NAPEPLD: variants seen among roughly 807,000 people sequenced by gnomAD.
The protein encoded by NAPEPLD is N-acyl phosphatidylethanolamine phospholipase D.
A neutral mutation model predicts 38.1 loss-of-function variants in NAPEPLD; 23 were observed. That is an observed-to-expected ratio of 0.60 (90% CI 0.43 to 0.86). The LOEUF is 0.86. Among genes scored for constraint, NAPEPLD ranks in the 40% least tolerant of loss-of-function variants. The pLI is 0.00. For missense variants in NAPEPLD, 411 were observed against 476.8 expected, an observed-to-expected ratio of 0.86 and a Z score of 1.28; for synonymous variants, 147 against 162.0, an observed-to-expected ratio of 0.91 and a Z score of 0.71.
rs1336563973 is a variant in NAPEPLD, at chr7:103,102,349, CTTTT to C, written c.*1076_*1079del. 6.6e-6 allele frequency: 1 copy of C among 152,090 alleles called. No individual in the cohort carries two copies. The highest frequency in any genetic ancestry group is 1.5e-5 in the Non-Finnish European group (1 of 68,042). 9.4% of individuals were successfully genotyped at this position (152,090 alleles called of 1,614,324 possible). On this transcript the variant is annotated 3_prime_UTR_variant, in exon 5 of 5. Transcript: ENST00000465647. ...TCTGCTCAGCTAAGGAGAGGGCTTT[CTTTT>C]GAGACAGGGTCTCATTTTGTCGCCC...
chr7:103,112,341 T>A (rs113076460), intron 4 of NAPEPLD, among the ~76,000 whole-genome samples: 17 of 152,126 alleles, frequency 1.1e-4, no homozygotes, highest in African/African-American at 4.1e-4. Flanking sequence ...TAGCTAAGAC[T>A]TGGAACCAAC....
At chr7:103,120,269 AG>A (rs762129229) in intron 2 of NAPEPLD, 46 bp from the exon 3 acceptor site, 54 of 1,560,616 alleles carry the variant, frequency 3.5e-5, no homozygotes, top group Middle Eastern at 4.3e-4. Context: ...TAGAAAAAAA[AG>A]TATTATATCA....
At chr7:103,132,865 A>G (rs1585880387) in intron 1 of NAPEPLD, among the ~76,000 whole-genome samples, 1 of 152,052 alleles carries the variant, frequency 6.6e-6, no homozygotes, top group East Asian at 1.9e-4. Flanking sequence ...TCTAAATAAT[A>G]AGCTTTTTCA....
At chr7:103,141,897 G>T in intron 1 of NAPEPLD, 1 of 1,023,148 alleles carries the variant, frequency 9.8e-7, no homozygotes, top group Non-Finnish European at 1.6e-6. Context: ...CCACAGCAGA[G>T]GACACTAGAG....
chr7:103,142,465 G>T (rs1811619420), intron 1 of NAPEPLD, among the ~76,000 whole-genome samples: 1 of 152,160 alleles, frequency 6.6e-6, no homozygotes, highest in Non-Finnish European at 1.5e-5. Context: ...AAATAGCCAG[G>T]CATGGTGGCA....
rs998779283 is a variant in NAPEPLD at position 103,102,014 on chromosome 7, C to T, written c.*1415G>A. 10 of 146,482 alleles carry T rather than the reference C, an allele frequency of 6.8e-5. No homozygotes were observed. Among genetic ancestry groups the T allele is most frequent in the African/African-American group, 2.5e-4 (10 of 39,594 alleles). The allele number at this position is 146,482 out of a possible 1,614,324, so 9.1% of individuals were successfully genotyped here. A position where few individuals can be genotyped will look rare whatever the true frequency, so the allele number is the denominator to read the frequency against. On this transcript the variant is annotated 3_prime_UTR_variant, in exon 5 of 5. Coordinates refer to ENST00000465647, the MANE Select transcript of NAPEPLD (RefSeq NM_001122838.3). ...GTCAACTGACTCCCCCCCCGCCCCCCAACCACTGGCATTCATACTGGCTTA... is the reference window on the plus strand; with the variant it reads ...GTCAACTGACTCCCCCCCCGCCCCCTAACCACTGGCATTCATACTGGCTTA...
At chr7:103,128,915 G>T in intron 1 of NAPEPLD, 123 bp from the exon 2 acceptor site, 1 of 1,045,890 alleles carries the variant, frequency 9.6e-7, no homozygotes, top group South Asian at 1.7e-5. Flanking sequence ...GTCTGTATTA[G>T]CTGAAACTTT....
chr7:103,115,605 C>A (rs117411908), intron 3 of NAPEPLD, among the ~76,000 whole-genome samples: 2 of 152,140 alleles, frequency 1.3e-5, no homozygotes, highest in Non-Finnish European at 2.9e-5. Context: ...GCAGGGGAGG[C>A]GAGCCCCAAA....
chr7:103,114,667 T>G (rs2129527974), intron 4 of NAPEPLD, among the ~76,000 whole-genome samples: 1 of 152,298 alleles, frequency 6.6e-6, no homozygotes, highest in African/African-American at 2.4e-5. Flanking sequence ...CTGTTCCACA[T>G]TACAGCACTT....
At position 103,120,047 on chromosome 7, in the gene NAPEPLD, C is replaced by T. The variant is rs144069186; in HGVS notation, c.471G>A (p.Ser157=). The T allele has an allele frequency of 3.7e-5, 59 of 1,614,040 alleles. No individual in the cohort carries two copies. The highest frequency in any genetic ancestry group is 8.8e-5 in the South Asian group (8 of 91,084). The change falls in exon 3 of 5, where the codon TCG becomes TCA. Residue 157 remains serine, a synonymous_variant. Coordinates refer to ENST00000465647, the MANE Select transcript of NAPEPLD (RefSeq NM_001122838.3). ...DPIFSSRASP[S]QYMGPKRFRR... is the part of the protein sequence containing the mutation. ...GAAATCGCTTTGGACCCATGTACTG[C>T]GATGGTGAAGCACGAGAGCTAAAGA...
In NAPEPLD at chr7:103,102,158, A is replaced by G; in HGVS notation, c.*1271T>C. The G allele has an allele frequency of 6.6e-6, 1 of 152,248 alleles. No individual in the cohort carries two copies. Among genetic ancestry groups the G allele is most frequent in the East Asian group, 1.9e-4 (1 of 5,176 alleles). 9.4% of individuals were successfully genotyped at this position (152,248 alleles called of 1,614,324 possible). A position where few individuals can be genotyped will look rare whatever the true frequency, so the allele number is the denominator to read the frequency against. ...GCTAAGAGACTCCAGGAAAAAAAAAATGTGTAGAGAAAATTAAAAACAAAT... is the reference window on the plus strand; with the variant it reads ...GCTAAGAGACTCCAGGAAAAAAAAAGTGTGTAGAGAAAATTAAAAACAAAT... On this transcript the variant is annotated 3_prime_UTR_variant, in exon 5 of 5. Transcript: ENST00000465647.
At chr7:103,148,741 C>A (rs1314130456) in intron 1 of NAPEPLD, 70 bp downstream of exon 1, 1 of 876,644 alleles carries the variant, frequency 1.1e-6, no homozygotes, top group African/African-American at 1.8e-5. Flanking sequence ...ATAGATGAAG[C>A]AACAATAAGT....
At chr7:103,128,343 G>A (rs1808239394) in intron 2 of NAPEPLD, 140 bp downstream of exon 2, 6 of 983,706 alleles carry the variant, frequency 6.1e-6, no homozygotes, top group Non-Finnish European at 3.0e-6. Context: ...ACTGAACGAT[G>A]AACTTTAGGG....
In NAPEPLD at chr7:103,103,557, G is replaced by T; in HGVS notation, c.1057-3C>A. 6.4e-7 allele frequency: 1 copy of T among 1,566,108 alleles called. No homozygotes were observed. Among genetic ancestry groups the T allele is most frequent in the South Asian group, 1.2e-5 (1 of 80,774 alleles). On this transcript the variant is annotated splice_polypyrimidine_tract_variant and splice_region_variant and intron_variant, in intron 4 of 4. Transcript: ENST00000465647. ...TTCACTGGAGGCTCTAAGTAATGCT[G>T]GCCAAAGAGAAAGAAGAAAAATAGA...
At chr7:103,111,658 T>C (rs756547507) in intron 4 of NAPEPLD, among the ~76,000 whole-genome samples, 13 of 152,284 alleles carry the variant, frequency 8.5e-5, no homozygotes, top group African/African-American at 3.1e-4. Flanking sequence ...ATAAAAACCC[T>C]AGAAGAAAAC....
chr7:103,133,066 A>G (rs1809297039), intron 1 of NAPEPLD, among the ~76,000 whole-genome samples: 1 of 152,148 alleles, frequency 6.6e-6, no homozygotes, highest in African/African-American at 2.4e-5. Context: ...AATCTGATAC[A>G]AACAAAACGA....
At chr7:103,147,239 T>C (rs1034710786) in intron 1 of NAPEPLD, among the ~76,000 whole-genome samples, 6 of 152,274 alleles carry the variant, frequency 3.9e-5, no homozygotes, top group Non-Finnish European at 7.3e-5. Context: ...ACATGGGTGA[T>C]ATTTTAATGC....
intron 1 of NAPEPLD, among the ~76,000 whole-genome samples, chr7:103,144,946 G>A (rs905707532): frequency 6.6e-6 from 1 of 151,994 alleles, no homozygotes; most frequent in Non-Finnish European, 1.5e-5. Context: ...TGAAGGTGGA[G>A]GTTGCAGTAG....
rs764061241 is a variant in NAPEPLD, at chr7:103,119,949, T to A, written c.569A>T (p.His190Leu). Residue 190 changes from histidine (H) to leucine (L), a missense_variant, in exon 3 of 5, where the codon CAT becomes CTT. By Grantham distance (99) the His-to-Leu change is moderately conservative (BLOSUM62 -3). Coordinates refer to ENST00000465647, the MANE Select transcript of NAPEPLD (RefSeq NM_001122838.3). ...AVLISHNHYD[H>L]LDYNSVIALN... Reference sequence around the variant, plus strand: ...AGCAATGACAGAATTGTAGTCCAGATGGTCATAGTGGTTGTGACTGATAAG... The same window carrying A: ...AGCAATGACAGAATTGTAGTCCAGAAGGTCATAGTGGTTGTGACTGATAAG... The A allele has an allele frequency of 3.1e-6, 5 of 1,614,116 alleles. No homozygotes were observed. The East Asian group carries it at 8.9e-5, about 29-fold the overall frequency.
Sources: gnomAD v4.1 joint callset for allele counts (sites outside exome capture counted in the v4.1 genomes callset) on GRCh38, gnomAD v4.1.1 for gene constraint, MANE v1.5 for transcripts, NCBI Gene and HGNC (gene_info 2026-07-23, HGNC 2026-07-21) for gene names.